Variants in OR14A2 observed in about 807,000 individuals in gnomAD.
OR14A2 encodes the protein olfactory receptor 14A2.
For synonymous variants in OR14A2, 114 were observed against 58.6 expected, an observed-to-expected ratio of 1.95 and a Z score of -4.32; for missense variants, 237 against 152.9, an observed-to-expected ratio of 1.55 and a Z score of -2.90.
chr1:247,724,102 GA>G (rs1660276878), upstream of OR14A2: 9 of 628,706 alleles, frequency 1.4e-5, no homozygotes, highest in South Asian at 1.4e-4. Flanking sequence ...GAATAAAGGA[GA>G]AAAAAATTAA....
At chr1:247,738,908 G>T in the OR14A2 span, 1 of 780,518 alleles carries the variant, frequency 1.3e-6, no homozygotes, top group Non-Finnish European at 2.4e-6. Context: ...GTGTGTTGCA[G>T]CTCTTCTTGG....
chr1:247,739,130 A>T, the OR14A2 span: 1 of 780,810 alleles, frequency 1.3e-6, no homozygotes, highest in Non-Finnish European at 2.4e-6. Context: ...CTGATGAGCT[A>T]CATCAGTTCT....
chr1:247,729,951 CATT>C, the OR14A2 span, among the ~76,000 whole-genome samples: 2 of 152,030 alleles, frequency 1.3e-5, no homozygotes, highest in East Asian at 3.9e-4. Context: ...TGCTGGCAAA[CATT>C]AGATACAGTT....
the OR14A2 span, among the ~76,000 whole-genome samples, chr1:247,735,543 C>G: frequency 2.0e-5 from 3 of 152,146 alleles, no homozygotes; most frequent in Admixed American, 2.0e-4. Flanking sequence ...AGCTGGGTCT[C>G]CAGGGCTTAA....
the OR14A2 span, chr1:247,739,145 C>A: frequency 2.6e-6 from 2 of 780,868 alleles, no homozygotes; most frequent in East Asian, 2.4e-5. Flanking sequence ...AGTTCTTCTG[C>A]GATGTCCCTG....
chr1:247,729,029 T>C (rs1224238249), upstream of OR14A2, among the ~76,000 whole-genome samples: 4 of 152,150 alleles, frequency 2.6e-5, no homozygotes, highest in African/African-American at 9.6e-5. Context: ...GGATGCATAC[T>C]ACCACAATGA....
At chr1:247,732,288 C>T in the OR14A2 span, among the ~76,000 whole-genome samples, 11 of 152,258 alleles carry the variant, frequency 7.2e-5, no homozygotes, top group Admixed American at 2.0e-4. Context: ...TGGCCAGCAT[C>T]GTAAGCTCAC....
the OR14A2 span, among the ~76,000 whole-genome samples, chr1:247,747,556 G>T: frequency 2.1e-3 from 315 of 152,006 alleles, no homozygotes; most frequent in Middle Eastern, 3.4e-3. Flanking sequence ...TAGAGAGGGG[G>T]TTTCGCCGTG....
At chr1:247,725,603 A>C (rs1208552408), upstream of OR14A2, among the ~76,000 whole-genome samples, 2 of 146,926 alleles carry the variant, frequency 1.4e-5, no homozygotes, top group African/African-American at 5.0e-5. Flanking sequence ...CATATGTATA[A>C]ATGTGCCATG....
At chr1:247,744,772 C>T in the OR14A2 span, among the ~76,000 whole-genome samples, 1 of 152,060 alleles carries the variant, frequency 6.6e-6, no homozygotes, top group Admixed American at 6.5e-5. This position sits in a 1 kb window ranked among gnomAD's most constrained non-coding sequence, Gnocchi z 4.3. Context: ...AGCCATGGGC[C>T]AAGGTTGAGC....
upstream of OR14A2, among the ~76,000 whole-genome samples, chr1:247,725,612 T>G (rs1478986508): frequency 6.8e-6 from 1 of 147,306 alleles, no homozygotes. Flanking sequence ...AAATGTGCCA[T>G]GCTGGTGCGC....
the OR14A2 span, among the ~76,000 whole-genome samples, chr1:247,734,518 C>T: frequency 1.3e-5 from 2 of 152,096 alleles, no homozygotes; most frequent in African/African-American, 2.4e-5. Context: ...CTGATATGTA[C>T]TGAAATAACA....
At chr1:247,727,037 A>C (rs866897897), upstream of OR14A2, among the ~76,000 whole-genome samples, 2 of 150,632 alleles carry the variant, frequency 1.3e-5, no homozygotes, top group Non-Finnish European at 3.0e-5. Flanking sequence ...GTGCCATATG[A>C]ACTTTAAAGT....
the OR14A2 span, among the ~76,000 whole-genome samples, chr1:247,744,167 T>G: frequency 6.6e-6 from 1 of 152,244 alleles, no homozygotes; most frequent in South Asian, 2.1e-4. This position sits in a 1 kb window ranked among gnomAD's most constrained non-coding sequence, Gnocchi z 4.3. Flanking sequence ...TGATTGTAAT[T>G]CTGTAATATA....
At chr1:247,741,493 A>G in the OR14A2 span, among the ~76,000 whole-genome samples, 1 of 152,232 alleles carries the variant, frequency 6.6e-6, no homozygotes, top group Non-Finnish European at 1.5e-5. Context: ...CCTGTTATAG[A>G]AACATTGAAT....
At chr1:247,723,361 G>A (rs1190055850) in exon 1 of OR14A2, 1 of 717,576 alleles carries the variant, frequency 1.4e-6, no homozygotes, top group African/African-American at 1.7e-5. Context: ...ACCTTTAGTG[G>A]TAGGGATCTT....
the OR14A2 span, chr1:247,738,724 T>A: frequency 2.6e-6 from 2 of 780,862 alleles, no homozygotes; most frequent in Non-Finnish European, 4.8e-6. Flanking sequence ...CTCACGGCTG[T>A]GCTGATGAAT....
chr1:247,723,388 A>G (rs953564781), exon 1 of OR14A2: 6 of 717,468 alleles, frequency 8.4e-6, no homozygotes, highest in Admixed American at 4.0e-5. Flanking sequence ...AGTGGAGAAG[A>G]TATAAATGTA....
chr1:247,727,410 T>C (rs988246441), upstream of OR14A2, among the ~76,000 whole-genome samples: 1 of 152,024 alleles, frequency 6.6e-6, no homozygotes, highest in African/African-American at 2.4e-5. Context: ...CTGAAGTTGC[T>C]TATCAGCTTA....
Sources: allele counts gnomAD v4.1 joint callset (sites outside exome capture counted in the v4.1 genomes callset), GRCh38; gene constraint gnomAD v4.1.1; non-coding constraint Gnocchi (gnomAD v3.1); transcripts MANE v1.5; gene names NCBI Gene and HGNC (gene_info 2026-07-23, HGNC 2026-07-21).